ARHGEF3: variants seen among roughly 807,000 people sequenced by gnomAD.
ARHGEF3 encodes Rho guanine nucleotide exchange factor 3, also known as 59.8 kDA protein.
ARHGEF3 carries 28 observed loss-of-function variants against 63.2 expected under a neutral mutation model. That is an observed-to-expected ratio of 0.44 (90% CI 0.33 to 0.61). The LOEUF is 0.61. Among genes scored for constraint, ARHGEF3 ranks in the 20% least tolerant of loss-of-function variants. The pLI is 0.03. For missense variants in ARHGEF3, 533 were observed against 659.3 expected, an observed-to-expected ratio of 0.81 and a Z score of 2.10; for synonymous variants, 266 against 254.2, an observed-to-expected ratio of 1.05 and a Z score of -0.44.
intron 9 of ARHGEF3, among the ~76,000 whole-genome samples, chr3:56,730,748 T>C (rs1223845694): frequency 1.3e-5 from 2 of 152,160 alleles, no homozygotes; most frequent in African/African-American, 2.4e-5. Context: ...CAATGCTTGG[T>C]TCACAGAAGC....
intron 2 of ARHGEF3, among the ~76,000 whole-genome samples, chr3:56,973,090 C>G (rs1173891053): frequency 2.6e-5 from 4 of 151,416 alleles, no homozygotes; most frequent in Non-Finnish European, 5.9e-5. Flanking sequence ...GATTTTGGCT[C>G]ACTATAAGCT....
chr3:57,077,472 G>T (rs976364714), intron 1 of ARHGEF3, among the ~76,000 whole-genome samples: 11 of 149,066 alleles, frequency 7.4e-5, no homozygotes, highest in Non-Finnish European at 1.5e-5. Context: ...TGGGGCTCCA[G>T]GTTCAGAGCT....
chr3:57,058,756 T>C (rs1705053816), intron 1 of ARHGEF3, among the ~76,000 whole-genome samples: 1 of 152,052 alleles, frequency 6.6e-6, no homozygotes, highest in Admixed American at 6.5e-5. Flanking sequence ...TGTCCAACAA[T>C]GATAGACTGG....
chr3:57,007,575 C>A (rs1297649455), intron 2 of ARHGEF3, among the ~76,000 whole-genome samples: 1 of 152,146 alleles, frequency 6.6e-6, no homozygotes, highest in South Asian at 2.1e-4. Context: ...AGAGGCCATG[C>A]CTGCAGTGTT....
intron 4 of ARHGEF3, among the ~76,000 whole-genome samples, chr3:56,831,633 C>T (rs2038933487): frequency 2.0e-5 from 3 of 152,230 alleles, no homozygotes; most frequent in Admixed American, 6.5e-5. Flanking sequence ...CTGGCATCTA[C>T]ACTAGACCAC....
intron 9 of ARHGEF3, chr3:56,731,775 A>C (rs2107681832): frequency 5.2e-6 from 1 of 191,676 alleles, no homozygotes. Flanking sequence ...TTAAGTCTTA[A>C]ATTAGGCCCA....
intron 4 of ARHGEF3, among the ~76,000 whole-genome samples, chr3:56,858,505 A>G (rs766771703): frequency 2.0e-5 from 3 of 152,156 alleles, no homozygotes; most frequent in African/African-American, 7.2e-5. Context: ...ACAATTGACA[A>G]TGGCAGTCCC....
chr3:56,827,442 T>C (rs1260847660), intron 4 of ARHGEF3, among the ~76,000 whole-genome samples: 3 of 152,138 alleles, frequency 2.0e-5, no homozygotes, highest in Admixed American at 6.5e-5. Flanking sequence ...CTTTCTTGCT[T>C]GTGACCTGGG....
intron 1 of ARHGEF3, among the ~76,000 whole-genome samples, chr3:56,778,787 G>A (rs1466820994): frequency 6.6e-6 from 1 of 152,090 alleles, no homozygotes; most frequent in Admixed American, 6.6e-5. Flanking sequence ...CTCCCGCCTC[G>A]GCTTCCCAAA....
intron 1 of ARHGEF3, among the ~76,000 whole-genome samples, chr3:56,779,841 A>G (rs2036483247): frequency 1.3e-5 from 2 of 152,352 alleles, no homozygotes; most frequent in African/African-American, 4.8e-5. Flanking sequence ...GTCTTAAGCA[A>G]GTTACTTACT....
intron 4 of ARHGEF3, among the ~76,000 whole-genome samples, chr3:56,847,422 A>G (rs533101477): frequency 1.4e-4 from 21 of 152,294 alleles, no homozygotes; most frequent in African/African-American, 4.6e-4. Context: ...AGATGCTTTC[A>G]AGGTGGAAGC....
rs886903589 is a variant in ARHGEF3, at chr3:56,834,495, T to C, written c.192+47797A>G. Among the ~76,000 whole-genome samples the C allele has an allele frequency of 4.5e-4, 69 of 152,180 alleles. 1 individual carries two copies. The highest frequency in any genetic ancestry group is 6.8e-4 in the Non-Finnish European group (46 of 68,022). On this transcript the variant is annotated intron_variant, in intron 4 of 12. Transcript: ENST00000338458. Reference sequence around the variant, plus strand: ...ATAATAAGGTCGTGGTCGGGCCTGATGGCTCACACCTATAATCCCAGCACT... The same window carrying C: ...ATAATAAGGTCGTGGTCGGGCCTGACGGCTCACACCTATAATCCCAGCACT...
At chr3:56,997,139 G>C (rs1702027041) in intron 2 of ARHGEF3, among the ~76,000 whole-genome samples, 1 of 151,958 alleles carries the variant, frequency 6.6e-6, no homozygotes, top group Non-Finnish European at 1.5e-5. Context: ...CCACCAAACA[G>C]CACTGAGGCC....
chr3:56,846,802 T>C (rs918662930), intron 4 of ARHGEF3, among the ~76,000 whole-genome samples: 6 of 152,094 alleles, frequency 3.9e-5, no homozygotes, highest in African/African-American at 1.5e-4. Context: ...TTCCTTTCCC[T>C]GTCAAAGCTC....
At chr3:56,806,831 C>G (rs1179847637), upstream of ARHGEF3, among the ~76,000 whole-genome samples, 1 of 140,040 alleles carries the variant, frequency 7.1e-6, no homozygotes, top group African/African-American at 2.4e-5. Context: ...CCTTCTCAGC[C>G]AACAGGACAA....
intron 1 of ARHGEF3, among the ~76,000 whole-genome samples, chr3:56,792,624 A>C (rs925895907): frequency 6.6e-6 from 1 of 152,214 alleles, no homozygotes; most frequent in Non-Finnish European, 1.5e-5. Flanking sequence ...ATACTCAAGT[A>C]AGTCAAAGAA....
At position 56,918,595 on chromosome 3, in the gene ARHGEF3, A is replaced by C. The variant is rs138981089; in HGVS notation, c.130-36241T>G. Among the ~76,000 whole-genome samples, 691 of 152,320 alleles carry C rather than the reference A, an allele frequency of 4.5e-3. 2 individuals are homozygous for C. The highest frequency in any genetic ancestry group is 7.4e-3 in the Non-Finnish European group (503 of 68,032). ...ATGCAAGCCTGCAAAAAGGAAGCAA[A>C]AACAGGGCACGGCCGTCTCCTCTGA... On this transcript the variant is annotated intron_variant, in intron 3 of 12. Transcript: ENST00000338458.
intron 2 of ARHGEF3, among the ~76,000 whole-genome samples, chr3:56,967,831 T>A (rs1700634303): frequency 1.3e-5 from 1 of 78,502 alleles, no homozygotes; most frequent in Non-Finnish European, 2.2e-5. Context: ...ATATAATATA[T>A]ATTAATTATA....
In ARHGEF3 at chr3:56,773,961, T is replaced by C. The variant is rs543115824; in HGVS notation, c.97-145A>G. 2.6e-5 allele frequency: 17 copies of C among 642,118 alleles called. No homozygotes were observed. In the East Asian group the frequency reaches 5.8e-4, roughly 22 times the overall value. The allele number at this position is 642,118 out of a possible 1,614,324, so 39.8% of individuals were successfully genotyped here. ...ATAAAGTGTCACGTCTCACTCTGGC[T>C]GTATGGAGATGACCTGGCTTAGGAG... is the stretch of plus-strand genomic sequence containing the variant. On this transcript the variant is annotated intron_variant, in intron 1 of 9. Coordinates refer to ENST00000296315, the MANE Select transcript of ARHGEF3 (RefSeq NM_019555.3).
Sources: gnomAD v4.1 joint callset for allele counts (sites outside exome capture counted in the v4.1 genomes callset) on GRCh38, gnomAD v4.1.1 for gene constraint, MANE v1.5 for transcripts, NCBI Gene and HGNC (gene_info 2026-07-23, HGNC 2026-07-21) for gene names.